The following ST18 variants were observed in gnomAD, a reference collection of about 807,000 sequenced individuals.
ST18 encodes the protein ST18 C2H2C-type zinc finger transcription factor, also known as suppression of tumorigenicity 18 protein.
A neutral mutation model predicts 110.0 loss-of-function variants in ST18; 50 were observed. The ratio of observed to expected loss-of-function variants is 0.45; its 90% CI spans 0.36 to 0.58. The LOEUF is 0.58. Ranked by LOEUF, ST18 falls within the 20% of genes least tolerant of loss-of-function variation. The probability of loss-of-function intolerance (pLI) is 0.00; values close to 1 mark genes in which losing one functional copy is unlikely to be tolerated. For synonymous variants in ST18, 461 were observed against 452.4 expected, an observed-to-expected ratio of 1.02 and a Z score of -0.24; for missense variants, 1,306 against 1,280.1, an observed-to-expected ratio of 1.02 and a Z score of -0.31.
intron 3 of ST18, among the ~76,000 whole-genome samples, chr8:52,227,339 A>C (rs1023916139): frequency 1.3e-5 from 2 of 152,176 alleles, no homozygotes; most frequent in East Asian, 3.8e-4. Flanking sequence ...TCAAACCAGG[A>C]AGTTGAATAT....
At chr8:52,143,215 G>A (rs773043410) in intron 16 of ST18, among the ~76,000 whole-genome samples, 170 bp from the exon 17 acceptor site, 13 of 152,242 alleles carry the variant, frequency 8.5e-5, no homozygotes, top group Non-Finnish European at 1.6e-4. Context: ...GGCCAGGCGA[G>A]GTGGCTGATG....
intron 2 of ST18, among the ~76,000 whole-genome samples, chr8:52,245,290 G>C (rs2093753367): frequency 1.3e-5 from 2 of 151,786 alleles, no homozygotes; most frequent in Admixed American, 1.3e-4. Flanking sequence ...TACATTCCAG[G>C]AATGAAAATA....
intron 8 of ST18, among the ~76,000 whole-genome samples, chr8:52,193,715 G>C (rs965395982): frequency 6.6e-6 from 1 of 152,182 alleles, no homozygotes; most frequent in Admixed American, 6.5e-5. Context: ...TGATTCCTAA[G>C]AGAGTTAACG....
At chr8:52,287,058 A>C (rs2095482818) in intron 2 of ST18, among the ~76,000 whole-genome samples, 2 of 152,192 alleles carry the variant, frequency 1.3e-5, no homozygotes, top group African/African-American at 4.8e-5. Flanking sequence ...TTATACAAAG[A>C]CTGTTCCAAA....
At chr8:52,371,955 C>A (rs1364986177) in intron 2 of ST18, among the ~76,000 whole-genome samples, 1 of 152,072 alleles carries the variant, frequency 6.6e-6, no homozygotes, top group African/African-American at 2.4e-5. Context: ...ACAATTTTAT[C>A]TTCATTTTAG....
upstream of ST18, chr8:52,409,777 C>T (rs137990944): frequency 2.0e-5 from 3 of 152,280 alleles, no homozygotes; most frequent in Non-Finnish European, 4.4e-5. Context: ...GGCGCTGCAA[C>T]TTGCTAACTT....
At chr8:52,146,306 C>A (rs922819357) in intron 16 of ST18, among the ~76,000 whole-genome samples, 2 of 152,160 alleles carry the variant, frequency 1.3e-5, no homozygotes, top group Non-Finnish European at 2.9e-5. Context: ...CAGTCCTGTA[C>A]CCGCAGAAAC....
chr8:52,180,130 G>A lies in ST18; in HGVS notation c.269C>T (p.Ser90Phe), dbSNP rs1694318904. ...GCTCTCCTCCTTGCTACCTGCGGTA[G>A]AGTGACCATGTGTTTCCAAGGGGCC... ...DDGPLETHGHSTAEEIMIKPM... is the reference protein window; with the variant it reads ...DDGPLETHGHFTAEEIMIKPM... The change falls in exon 9 of 26, where the codon TCT becomes TTT. Residue 90 changes from serine to phenylalanine, a missense_variant. Transcript: ENST00000689386. 1 of 1,614,120 alleles carries A rather than the reference G, an allele frequency of 6.2e-7. No homozygotes were observed. Among genetic ancestry groups the A allele is most frequent in the African/African-American group, 1.3e-5 (1 of 75,044 alleles).
intron 12 of ST18, 53 bp downstream of exon 12, chr8:52,165,082 C>T (rs369709126): frequency 7.6e-5 from 118 of 1,553,128 alleles, no homozygotes; most frequent in Middle Eastern, 1.7e-4. Flanking sequence ...ATTGGTGGAA[C>T]GTTTCTACCA....
chr8:52,332,463 C>T (rs1228897716), intron 2 of ST18, among the ~76,000 whole-genome samples: 1 of 143,196 alleles, frequency 7.0e-6, no homozygotes, highest in African/African-American at 2.5e-5. Context: ...AGAATTCATT[C>T]ATTCTTATTG....
intron 2 of ST18, among the ~76,000 whole-genome samples, chr8:52,310,045 T>C (rs1467352322): frequency 6.6e-6 from 1 of 152,244 alleles, no homozygotes; most frequent in African/African-American, 2.4e-5. Flanking sequence ...TGTTTAGTCA[T>C]TCAAATCCTC....
At chr8:52,291,150 A>C (rs145366865) in intron 2 of ST18, among the ~76,000 whole-genome samples, 1 of 152,222 alleles carries the variant, frequency 6.6e-6, no homozygotes, top group Non-Finnish European at 1.5e-5. Context: ...CTGCAGAAGA[A>C]CAAAGATTCC....
intron 10 of ST18, among the ~76,000 whole-genome samples, chr8:52,168,776 A>C (rs1454699013): frequency 2.0e-5 from 3 of 152,104 alleles, no homozygotes; most frequent in African/African-American, 7.2e-5. Context: ...TGATTTGTGG[A>C]TATATGTTTT....
intron 2 of ST18, among the ~76,000 whole-genome samples, chr8:52,243,764 A>G (rs1338959310): frequency 6.6e-6 from 1 of 152,228 alleles, no homozygotes; most frequent in African/African-American, 2.4e-5. Context: ...TGAACAAATT[A>G]TATGTACAAT....
chr8:52,385,263 A>G (rs1413483136), intron 2 of ST18, among the ~76,000 whole-genome samples: 2 of 152,162 alleles, frequency 1.3e-5, no homozygotes, highest in East Asian at 1.9e-4. Flanking sequence ...AATCCACCCT[A>G]TGGTATCCTA....
chr8:52,269,186 G>C (rs6996556), intron 2 of ST18, among the ~76,000 whole-genome samples: 8,597 of 152,218 alleles, frequency 0.056, 821 homozygotes, highest in African/African-American at 0.2. Context: ...CTGAATAAGT[G>C]ACCCATCACC....
At chr8:52,308,595 C>G (rs2095851408) in intron 2 of ST18, among the ~76,000 whole-genome samples, 1 of 152,324 alleles carries the variant, frequency 6.6e-6, no homozygotes, top group Admixed American at 6.5e-5. Flanking sequence ...AAATATTTCC[C>G]AGAAACCTCT....
In ST18 at chr8:52,205,088, CAT is replaced by C. The variant is rs956821109; in HGVS notation, c.86+6989_86+6990del. 2.1e-3 allele frequency among the ~76,000 whole-genome samples: 298 copies of C among 144,840 alleles called. 5 individuals carry two copies. The Middle Eastern group carries it at 0.031, about 15-fold the overall frequency. The stretch of plus-strand genomic sequence containing the variant: ...CTTTGCAATCACCATTTTATATATA[CAT>C]ATATATATACACACACACACACACA... On this transcript the variant is annotated intron_variant, in intron 8 of 25. Coordinates refer to ENST00000689386, the MANE Select transcript of ST18 (RefSeq NM_001352837.2).
chr8:52,229,000 A>C (rs1260276342), intron 3 of ST18, among the ~76,000 whole-genome samples: 1 of 152,220 alleles, frequency 6.6e-6, no homozygotes, highest in East Asian at 1.9e-4. Context: ...CTGATGAAGA[A>C]GGGGTGTCAC....
Sources: gnomAD v4.1 joint callset for allele counts (sites outside exome capture counted in the v4.1 genomes callset) on GRCh38, gnomAD v4.1.1 for gene constraint, MANE v1.5 for transcripts, NCBI Gene and HGNC (gene_info 2026-07-23, HGNC 2026-07-21) for gene names.